The following NALF1 variants were observed in gnomAD, a reference collection of about 807,000 sequenced individuals.
The protein encoded by NALF1 is family with sequence similarity 155 member A.
Under a neutral mutation model 48.4 loss-of-function variants are expected in NALF1, and 3 were observed. The ratio of observed to expected loss-of-function variants is 0.06; its 90% confidence interval spans 0.03 to 0.16. NALF1 has a LOEUF of 0.16. Among genes scored for constraint, NALF1 ranks in the 10% least tolerant of loss-of-function variants. NALF1 has a pLI of 1.00. For missense variants in NALF1, 526 were observed against 571.5 expected, an observed-to-expected ratio of 0.92 and a Z score of 0.81; for synonymous variants, 262 against 245.7, an observed-to-expected ratio of 1.07 and a Z score of -0.62.
At chr13:107,435,597 T>TA (rs1196111012) in intron 1 of NALF1, among the ~76,000 whole-genome samples, 2 of 152,104 alleles carry the variant, frequency 1.3e-5, no homozygotes, top group Admixed American at 1.3e-4. Flanking sequence ...ATTCCTACCT[T>TA]AAAAAAATTA....
At chr13:107,266,880 T>A (rs9558982) in intron 1 of NALF1, among the ~76,000 whole-genome samples, 41,083 of 152,164 alleles carry the variant, frequency 0.27, 6,294 homozygotes, top group East Asian at 0.52. Flanking sequence ...TAGCATGGGC[T>A]GGGCTGTCTG....
At chr13:107,781,969 T>A (rs752390658) in intron 1 of NALF1, among the ~76,000 whole-genome samples, 6 of 152,204 alleles carry the variant, frequency 3.9e-5, no homozygotes, top group Non-Finnish European at 5.9e-5. Flanking sequence ...GTGATAAAAA[T>A]TGTAAGGAAA....
In NALF1 at chr13:107,234,507, C is replaced by T. The variant is rs528340182; in HGVS notation, c.916-23752G>A. 9.2e-5 allele frequency among the ~76,000 whole-genome samples: 14 copies of T among 152,220 alleles called. No individual in the cohort carries two copies. In the South Asian group the frequency reaches 2.3e-3, roughly 25 times the overall value. On this transcript the variant is annotated intron_variant, in intron 1 of 2. Coordinates refer to ENST00000375915, the MANE Select transcript of NALF1 (RefSeq NM_001080396.3). Reference sequence around the variant, plus strand: ...CAAAGACAGGCGGGACAGCCAGCCCCGGCAGGGCTGCGAGGGTCCGCCCAG... The same window carrying T: ...CAAAGACAGGCGGGACAGCCAGCCCTGGCAGGGCTGCGAGGGTCCGCCCAG...
At chr13:107,297,722 T>C (rs1024574228) in intron 1 of NALF1, among the ~76,000 whole-genome samples, 2 of 152,192 alleles carry the variant, frequency 1.3e-5, no homozygotes, top group Non-Finnish European at 2.9e-5. Flanking sequence ...AGTTTCTACC[T>C]TAATAATCAG....
chr13:107,380,115 T>C (rs189059863), intron 1 of NALF1, among the ~76,000 whole-genome samples: 163 of 152,322 alleles, frequency 1.1e-3, no homozygotes, highest in African/African-American at 3.7e-3. Context: ...GCATCTTTTA[T>C]AGTTATAGTA....
chr13:107,865,293 CTCT>C (rs1277790618), intron 1 of NALF1, among the ~76,000 whole-genome samples: 2 of 152,202 alleles, frequency 1.3e-5, no homozygotes, highest in African/African-American at 4.8e-5. Context: ...CTGTCTCGAA[CTCT>C]TCTGACTTTA....
At chr13:107,758,460 G>A (rs892689272) in intron 1 of NALF1, among the ~76,000 whole-genome samples, 1 of 152,218 alleles carries the variant, frequency 6.6e-6, no homozygotes, top group Non-Finnish European at 1.5e-5. Flanking sequence ...AGTGGCTTAT[G>A]CCTGTAATCC....
At chr13:107,721,854 G>T (rs981567443) in intron 1 of NALF1, among the ~76,000 whole-genome samples, 6 of 152,152 alleles carry the variant, frequency 3.9e-5, no homozygotes, top group Non-Finnish European at 5.9e-5. Flanking sequence ...TCTGATGTCT[G>T]ATCATCACAA....
intron 1 of NALF1, among the ~76,000 whole-genome samples, chr13:107,447,186 C>T (rs887657721): frequency 6.6e-6 from 1 of 152,054 alleles, no homozygotes; most frequent in Non-Finnish European, 1.5e-5. Flanking sequence ...TCCTCCTCGT[C>T]CTCCTTCTCT....
intron 1 of NALF1, among the ~76,000 whole-genome samples, chr13:107,384,662 A>C (rs1055045100): frequency 6.6e-6 from 1 of 152,176 alleles, no homozygotes; most frequent in Non-Finnish European, 1.5e-5. Context: ...TAACATATGA[A>C]CCTTTGTGTG....
At chr13:107,691,461 C>A (rs1056942077) in intron 1 of NALF1, among the ~76,000 whole-genome samples, 5 of 152,186 alleles carry the variant, frequency 3.3e-5, no homozygotes, top group Admixed American at 3.3e-4. Context: ...AAGGATATGG[C>A]CCACACGCCC....
intron 1 of NALF1, among the ~76,000 whole-genome samples, chr13:107,730,171 C>T (rs1361527694): frequency 2.0e-5 from 3 of 152,170 alleles, no homozygotes; most frequent in African/African-American, 4.8e-5. Context: ...GAACTACTGT[C>T]GAGAATCATT....
At chr13:107,529,712 T>C (rs1418452758) in intron 1 of NALF1, among the ~76,000 whole-genome samples, 1 of 152,114 alleles carries the variant, frequency 6.6e-6, no homozygotes, top group Non-Finnish European at 1.5e-5. Context: ...ATGAATTAAT[T>C]ACATCTTTTT....
chr13:107,748,429 T>C (rs936227882), intron 1 of NALF1, among the ~76,000 whole-genome samples: 4 of 152,216 alleles, frequency 2.6e-5, no homozygotes, highest in African/African-American at 9.6e-5. Context: ...CTAGTCTTTA[T>C]ACCACACTGG....
intron 1 of NALF1, among the ~76,000 whole-genome samples, chr13:107,357,223 G>C (rs755025220): frequency 6.6e-6 from 1 of 152,150 alleles, no homozygotes; most frequent in Non-Finnish European, 1.5e-5. Context: ...AATCATGGCA[G>C]AAGGCAAACG....
At chr13:107,743,490 G>C (rs1489070188) in intron 1 of NALF1, among the ~76,000 whole-genome samples, 1 of 152,216 alleles carries the variant, frequency 6.6e-6, no homozygotes, top group Admixed American at 6.5e-5. Flanking sequence ...ACAAAGCAAG[G>C]GCTGTGGAAA....
chr13:107,191,414 G>C (rs1879277638), intron 2 of NALF1, among the ~76,000 whole-genome samples: 1 of 152,118 alleles, frequency 6.6e-6, no homozygotes, highest in Non-Finnish European at 1.5e-5. Flanking sequence ...TCTTGTGATA[G>C]TTTAGATATT....
chr13:107,568,282 T>C (rs1877876925), intron 1 of NALF1, among the ~76,000 whole-genome samples: 1 of 152,198 alleles, frequency 6.6e-6, no homozygotes. Context: ...TACGCAGCCT[T>C]GTTCCCTTTT....
chr13:107,844,112 T>A (rs2138637205), intron 1 of NALF1, among the ~76,000 whole-genome samples: 1 of 152,310 alleles, frequency 6.6e-6, no homozygotes, highest in South Asian at 2.1e-4. Flanking sequence ...ACCTCTTTTT[T>A]GAAGGGTTCT....
Sources: gnomAD v4.1 joint callset for allele counts (sites outside exome capture counted in the v4.1 genomes callset) on GRCh38, gnomAD v4.1.1 for gene constraint, MANE v1.5 for transcripts, NCBI Gene and HGNC (gene_info 2026-07-23, HGNC 2026-07-21) for gene names.